The following KIAA0825 variants were observed in gnomAD, a reference collection of about 807,000 sequenced individuals.
The protein encoded by KIAA0825 is uncharacterized protein KIAA0825.
A neutral mutation model predicts 147.6 loss-of-function variants in KIAA0825; 119 were observed. That is an observed-to-expected ratio of 0.81 (90% CI 0.69 to 0.94). KIAA0825 has a LOEUF of 0.94. Among genes scored for constraint, KIAA0825 ranks in the 40% least tolerant of loss-of-function variants. KIAA0825 has a pLI of 0.00. For missense variants in KIAA0825, 1,381 were observed against 1,472.7 expected, an observed-to-expected ratio of 0.94 and a Z score of 1.02; for synonymous variants, 470 against 518.1, an observed-to-expected ratio of 0.91 and a Z score of 1.26.
intron 2 of KIAA0825, among the ~76,000 whole-genome samples, chr5:94,538,396 A>G (rs1469177948): frequency 1.3e-5 from 2 of 152,236 alleles, no homozygotes; most frequent in East Asian, 1.9e-4. Context: ...TGCTTTGGCC[A>G]AGAAATGACT....
At chr5:94,427,698 C>A (rs1429783877) in intron 14 of KIAA0825, among the ~76,000 whole-genome samples, 4 of 151,976 alleles carry the variant, frequency 2.6e-5, no homozygotes, top group Non-Finnish European at 5.9e-5. Context: ...TTTTTTCCAA[C>A]TTTTATTTTA....
At chr5:94,297,787 G>A (rs953113630) in intron 20 of KIAA0825, among the ~76,000 whole-genome samples, 1 of 151,552 alleles carries the variant, frequency 6.6e-6, no homozygotes, top group Non-Finnish European at 1.5e-5. Flanking sequence ...GTAGAGATAA[G>A]GTTTCACTAT....
At chr5:94,450,659 A>G (rs576535600) in intron 13 of KIAA0825, among the ~76,000 whole-genome samples, 2 of 152,084 alleles carry the variant, frequency 1.3e-5, no homozygotes, top group South Asian at 2.1e-4. Flanking sequence ...AATAACTTCC[A>G]TTAGACCCCA....
chr5:94,220,280 C>T lies in KIAA0825; in HGVS notation c.3711-66156G>A, dbSNP rs774433502. On this transcript the variant is annotated intron_variant, in intron 20 of 20. Coordinates refer to ENST00000682413, the MANE Select transcript of KIAA0825 (RefSeq NM_001145678.3). ...GAAGTTCTTCTGGGGCAATAACACACATGGGGCTGTCATCTCTCATGACAA... is the reference window on the plus strand; with the variant it reads ...GAAGTTCTTCTGGGGCAATAACACATATGGGGCTGTCATCTCTCATGACAA... Among the ~76,000 whole-genome samples, 6 of 152,264 alleles carry T rather than the reference C, an allele frequency of 3.9e-5. No individual in the cohort carries two copies. The South Asian group carries it at 6.2e-4, about 16-fold the overall frequency.
intron 3 of KIAA0825, among the ~76,000 whole-genome samples, chr5:94,533,022 A>C (rs1771163397): frequency 6.9e-6 from 1 of 144,574 alleles, no homozygotes; most frequent in African/African-American, 2.6e-5. Flanking sequence ...TCTGTCGCCC[A>C]GGCTGGAGTG....
chr5:94,486,435 A>G (rs1297962228), intron 5 of KIAA0825, among the ~76,000 whole-genome samples: 2 of 152,080 alleles, frequency 1.3e-5, no homozygotes, highest in Non-Finnish European at 2.9e-5. Context: ...GTCCTATAAT[A>G]GTCTTTCACT....
intron 14 of KIAA0825, among the ~76,000 whole-genome samples, chr5:94,438,535 G>A (rs1236352276): frequency 6.6e-6 from 1 of 152,046 alleles, no homozygotes; most frequent in African/African-American, 2.4e-5. Context: ...TCAGGGCTTG[G>A]GAGGGAGCAA....
At position 94,481,035 on chromosome 5, in the gene KIAA0825, T is replaced by C. The variant is rs540446367; in HGVS notation, c.1132+3734A>G. Among the ~76,000 whole-genome samples, 6 of 152,264 alleles carry C rather than the reference T, an allele frequency of 3.9e-5. No individual in the cohort carries two copies. In the East Asian group the frequency reaches 1.2e-3, roughly 29 times the overall value. ...GTAAAACTCTATGAACTCTAAACAT[T>C]TGATGAATTATTTCATATATTTTAA... is the stretch of plus-strand genomic sequence containing the variant. On this transcript the variant is annotated intron_variant, in intron 6 of 20. Transcript: ENST00000682413.
chr5:94,537,129 T>C lies in KIAA0825; in HGVS notation c.-1-2A>G. The stretch of plus-strand genomic sequence containing the variant: ...GAATATTCATCATCCCAATCCATTC[T>C]GAGGAGCAAGAATAAATAATAAAAC... On this transcript the variant is annotated splice_acceptor_variant, in intron 2 of 20. Coordinates refer to ENST00000682413, the MANE Select transcript of KIAA0825 (RefSeq NM_001145678.3). LOFTEE classifies it low-confidence loss of function (5UTR_SPLICE). 1 of 1,602,142 alleles carries C rather than the reference T, an allele frequency of 6.2e-7. No individual in the cohort carries two copies. The highest frequency in any genetic ancestry group is 8.5e-7 in the Non-Finnish European group (1 of 1,175,040).
intron 13 of KIAA0825, among the ~76,000 whole-genome samples, chr5:94,448,359 T>C (rs1757988119): frequency 1.3e-5 from 2 of 152,038 alleles, no homozygotes; most frequent in South Asian, 4.1e-4. Flanking sequence ...TTCATAGTTT[T>C]CTCTAGTAAG....
intron 20 of KIAA0825, among the ~76,000 whole-genome samples, chr5:94,278,982 A>T (rs1777342209): frequency 6.6e-6 from 1 of 152,062 alleles, no homozygotes; most frequent in Admixed American, 6.6e-5. Flanking sequence ...CAATACAATT[A>T]CTTTATTTTT....
At chr5:94,527,153 T>C (rs1483263098) in intron 3 of KIAA0825, among the ~76,000 whole-genome samples, 3 of 152,050 alleles carry the variant, frequency 2.0e-5, no homozygotes, top group Non-Finnish European at 4.4e-5. Context: ...ACTACACTCA[T>C]GCATGTATGG....
chr5:94,387,231 G>C (rs758461571), intron 18 of KIAA0825, among the ~76,000 whole-genome samples: 2 of 152,112 alleles, frequency 1.3e-5, no homozygotes, highest in Non-Finnish European at 2.9e-5. Flanking sequence ...TTTGAGGTTA[G>C]GGTTAGGATG....
At position 94,412,506 on chromosome 5, in the gene KIAA0825, T is replaced by G. The variant is rs146313341; in HGVS notation, c.2662+4695A>C. Among the ~76,000 whole-genome samples the G allele has an allele frequency of 7.1e-3, 1,077 of 152,170 alleles. 9 individuals carry two copies. The highest frequency in any genetic ancestry group is 0.013 in the East Asian group (69 of 5,180). ...AGCTCCACCTCCTGGGTTCAAGTGC[T>G]TCTCATGCCTCAGGCTCCCGAGTAG... On this transcript the variant is annotated intron_variant, in intron 15 of 20. Coordinates refer to ENST00000682413, the MANE Select transcript of KIAA0825 (RefSeq NM_001145678.3).
intron 20 of KIAA0825, among the ~76,000 whole-genome samples, chr5:94,220,792 G>C (rs1773608352): frequency 1.3e-5 from 2 of 152,100 alleles, no homozygotes; most frequent in African/African-American, 4.8e-5. Context: ...ACTTGATCTG[G>C]TTCTTTTATA....
At chr5:94,583,891 G>A (rs1782732179) in intron 1 of KIAA0825, among the ~76,000 whole-genome samples, 1 of 152,176 alleles carries the variant, frequency 6.6e-6, no homozygotes, top group Non-Finnish European at 1.5e-5. Context: ...CAGGCGAACA[G>A]GATCTGGAGT....
intron 20 of KIAA0825, among the ~76,000 whole-genome samples, chr5:94,360,196 A>G (rs1333854200): frequency 6.6e-6 from 1 of 152,178 alleles, no homozygotes; most frequent in African/African-American, 2.4e-5. Context: ...GTCTATTCCT[A>G]CTAACCAAAC....
intron 20 of KIAA0825, among the ~76,000 whole-genome samples, chr5:94,342,857 A>G (rs1056310356): frequency 6.6e-6 from 1 of 152,156 alleles, no homozygotes; most frequent in Non-Finnish European, 1.5e-5. Context: ...CAATTAAATG[A>G]TTTGAGTAGA....
chr5:94,181,706 A>G (rs1769632666), intron 20 of KIAA0825, among the ~76,000 whole-genome samples: 1 of 152,228 alleles, frequency 6.6e-6, no homozygotes, highest in Non-Finnish European at 1.5e-5. Context: ...CAAGGTAAAG[A>G]GAATAAACAG....
Sources: gnomAD v4.1 joint callset for allele counts (sites outside exome capture counted in the v4.1 genomes callset) on GRCh38, gnomAD v4.1.1 for gene constraint, MANE v1.5 for transcripts, NCBI Gene and HGNC (gene_info 2026-07-23, HGNC 2026-07-21) for gene names.